Variants in LRP11 observed in about 807,000 individuals in gnomAD.
LRP11 encodes LDL receptor related protein 11, also known as low-density lipoprotein receptor-related protein 11.
Under a neutral mutation model 43.1 loss-of-function variants are expected in LRP11, and 25 were observed. The observed-to-expected ratio is 0.58, with a 90% confidence interval of 0.42 to 0.81. LRP11 has a LOEUF of 0.81. Among genes scored for constraint, LRP11 ranks in the 30% least tolerant of loss-of-function variants. LRP11 has a pLI of 0.00. For synonymous variants in LRP11, 316 were observed against 299.4 expected (o/e 1.06, Z -0.57); for missense variants, 623 against 665.1 (o/e 0.94, Z 0.70).
In LRP11 at chr6:149,837,406, T is replaced by TTA. The variant is rs1776487972; in HGVS notation, c.970_971insTA (p.Asp324ValfsTer32). The TTA allele has an allele frequency of 1.2e-6, 2 of 1,614,086 alleles. No individual in the cohort carries two copies. The highest frequency in any genetic ancestry group is 2.7e-5 in the African/African-American group (2 of 75,002). ...CACTCCATCGCAGGCGAGCGTGATG[T>TTA]CAATGCAGCAGCCATCGTCACAGAA... is the stretch of plus-strand genomic sequence containing the variant. On this transcript the variant is annotated frameshift_variant, in exon 4 of 7. Coordinates refer to ENST00000239367, the MANE Select transcript of LRP11 (RefSeq NM_032832.6). LOFTEE classifies it high-confidence loss of function.
At chr6:149,845,753 G>T (rs1776622429) in intron 2 of LRP11, among the ~76,000 whole-genome samples, 2 of 149,372 alleles carry the variant, frequency 1.3e-5, no homozygotes, top group South Asian at 4.4e-4. Context: ...GATAAGACTT[G>T]GGGCTCAGGT....
At chr6:149,859,057 T>C (rs527580937) in intron 1 of LRP11, among the ~76,000 whole-genome samples, 1 of 152,232 alleles carries the variant, frequency 6.6e-6, no homozygotes, top group South Asian at 2.1e-4. Flanking sequence ...CTCTTCAGCA[T>C]GGTTCCTTTT....
chr6:149,820,633 T>G lies in LRP11; in HGVS notation c.1419A>C (p.Leu473=), dbSNP rs764690073. Residue 473 remains leucine, a synonymous_variant, in exon 7 of 7, where the codon CTA becomes CTC. Coordinates refer to ENST00000239367, the MANE Select transcript of LRP11 (RefSeq NM_032832.6). ...TTTTCAGTTTCTGTTTCACCAGTCG[T>G]AGTCGGCATGCAACCATGAGAAGCA... is the stretch of plus-strand genomic sequence containing the variant. The part of the protein sequence containing the change: ...ALLLLMVACR[L]RLVKQKLKKA... The G allele has an allele frequency of 1.3e-6, 1 of 781,060 alleles. No homozygotes were observed. The highest frequency in any genetic ancestry group is 2.4e-5 in the East Asian group (1 of 41,248). 48.4% of individuals were successfully genotyped at this position (781,060 alleles called of 1,614,324 possible).
chr6:149,822,329 G>A (rs960408337), intron 6 of LRP11, among the ~76,000 whole-genome samples: 29 of 151,630 alleles, frequency 1.9e-4, no homozygotes, highest in African/African-American at 6.5e-4. Context: ...GACAGTGTAA[G>A]GGCCTATCTC....
At chr6:149,863,037 G>A (rs1776948518) in intron 1 of LRP11, among the ~76,000 whole-genome samples, 1 of 152,112 alleles carries the variant, frequency 6.6e-6, no homozygotes, top group Non-Finnish European at 1.5e-5. Flanking sequence ...CGAGAAGCCC[G>A]GCATCTAATT....
rs982504930 is a variant in LRP11 at position 149,864,240 on chromosome 6, C to T, written c.-220G>A. 4.4e-5 allele frequency: 48 copies of T among 1,092,314 alleles called. No individual in the cohort carries two copies. The African/African-American group carries it at 7.2e-4, about 16-fold the overall frequency. The allele number at this position is 1,092,314 out of a possible 1,614,324, so 67.7% of individuals were successfully genotyped here. A position where few individuals can be genotyped will look rare whatever the true frequency, so the allele number is the denominator to read the frequency against. On this transcript the variant is annotated 5_prime_UTR_variant, in exon 1 of 7. Coordinates refer to ENST00000239367, the MANE Select transcript of LRP11 (RefSeq NM_032832.6). ...AGACATAGCCGGCCCAGCCGGGCACCGCTCCTTGCCCTCGCCGGAGACTGC... is the reference window on the plus strand; with the variant it reads ...AGACATAGCCGGCCCAGCCGGGCACTGCTCCTTGCCCTCGCCGGAGACTGC...
intron 2 of LRP11, among the ~76,000 whole-genome samples, chr6:149,849,824 A>G (rs147752629): frequency 6.6e-6 from 1 of 152,342 alleles, no homozygotes; most frequent in Non-Finnish European, 1.5e-5. Flanking sequence ...CTGGACACAT[A>G]CCAGATGCTT....
At chr6:149,836,027 G>GC (rs1776466230) in intron 5 of LRP11, 58 bp downstream of exon 5, 2 of 1,445,190 alleles carry the variant, frequency 1.4e-6, no homozygotes, top group Non-Finnish European at 9.7e-7. Flanking sequence ...TTAATTGTGA[G>GC]CCAAGTTTGG....
chr6:149,830,261 G>A (rs1435390133), intron 5 of LRP11, among the ~76,000 whole-genome samples: 3 of 151,868 alleles, frequency 2.0e-5, no homozygotes, highest in Admixed American at 1.3e-4. Flanking sequence ...TCCACCCGCC[G>A]TGGCCTCCCA....
chr6:149,837,502 G>A, intron 3 of LRP11, 39 bp from the exon 4 acceptor site: 1 of 1,602,152 alleles, frequency 6.2e-7, no homozygotes, highest in Non-Finnish European at 8.5e-7. Flanking sequence ...GAGTGCAGAA[G>A]TTCAGACTCT....
chr6:149,832,848 G>T (rs1287463368), intron 5 of LRP11, among the ~76,000 whole-genome samples: 1 of 150,702 alleles, frequency 6.6e-6, no homozygotes, highest in African/African-American at 2.4e-5. Flanking sequence ...TTGCTCTGTC[G>T]CCCAGGCTGG....
intron 1 of LRP11, 50 bp from the exon 2 acceptor site, chr6:149,853,210 A>C: frequency 6.9e-7 from 1 of 1,457,004 alleles, no homozygotes. Flanking sequence ...TATTTTTTCT[A>C]ATTTATGGAG....
At chr6:149,848,182 T>G (rs890058371) in intron 2 of LRP11, among the ~76,000 whole-genome samples, 10 of 131,140 alleles carry the variant, frequency 7.6e-5, no homozygotes, top group Non-Finnish European at 1.5e-4. Context: ...TATTAAAAAG[T>G]AAAAAACAAA....
chr6:149,860,051 G>A (rs184500737), intron 1 of LRP11, among the ~76,000 whole-genome samples: 12 of 152,276 alleles, frequency 7.9e-5, no homozygotes, highest in African/African-American at 2.9e-4. Context: ...AAAGGGAGAA[G>A]ATAAGAATGT....
intron 3 of LRP11, 99 bp from the exon 4 acceptor site, chr6:149,837,562 CG>C: frequency 8.0e-7 from 1 of 1,246,892 alleles, no homozygotes. Context: ...AAATGCACTT[CG>C]GGGAAGAGAT....
chr6:149,837,595 A>G (rs1776490720), intron 3 of LRP11, 132 bp from the exon 4 acceptor site: 2 of 891,862 alleles, frequency 2.2e-6, no homozygotes, highest in Non-Finnish European at 3.4e-6. Flanking sequence ...GGCAAACCTA[A>G]CAATTCCAGC....
At chr6:149,838,440 C>G (rs1015214875) in intron 3 of LRP11, among the ~76,000 whole-genome samples, 4 of 151,700 alleles carry the variant, frequency 2.6e-5, no homozygotes, top group African/African-American at 4.8e-5. Context: ...AATCCCAGCA[C>G]TTTGGGAAGC....
intron 2 of LRP11, among the ~76,000 whole-genome samples, chr6:149,846,092 C>T (rs1776627953): frequency 6.6e-6 from 1 of 152,138 alleles, no homozygotes; most frequent in South Asian, 2.1e-4. Flanking sequence ...CTTTTCCTCC[C>T]ACCTTCATCC....
chr6:149,837,410 TGCAGCA>T lies in LRP11; in HGVS notation c.961_966del (p.Cys321_Cys322del). ...CCATCGCAGGCGAGCGTGATGTCAA[TGCAGCA>T]GCCATCGTCACAGAAGAAGTGGTAG... On this transcript the variant is annotated inframe_deletion, in exon 4 of 7. Coordinates refer to ENST00000239367, the MANE Select transcript of LRP11 (RefSeq NM_032832.6). 6.2e-7 allele frequency: 1 copy of T among 1,614,154 alleles called. No individual in the cohort carries two copies. Among genetic ancestry groups the T allele is most frequent in the African/African-American group, 1.3e-5 (1 of 75,028 alleles).
Sources: allele counts gnomAD v4.1 joint callset (sites outside exome capture counted in the v4.1 genomes callset), GRCh38; gene constraint gnomAD v4.1.1; transcripts MANE v1.5; gene names NCBI Gene and HGNC (gene_info 2026-07-23, HGNC 2026-07-21).